DTNA: variants seen among roughly 807,000 people sequenced by gnomAD.
The protein encoded by DTNA is dystrobrevin alpha.
Under a neutral mutation model 100.7 loss-of-function variants are expected in DTNA, and 43 were observed. The observed-to-expected ratio is 0.43, with a 90% CI of 0.33 to 0.55. The LOEUF (loss-of-function observed/expected upper bound fraction) is 0.55. DTNA is among the 20% of genes least tolerant of loss of function. The probability of loss-of-function intolerance (pLI) is 0.04; values close to 1 mark genes in which losing one functional copy is unlikely to be tolerated. For synonymous variants in DTNA, 349 were observed against 347.9 expected (o/e 1.00, Z -0.04); for missense variants, 798 against 953.9 (o/e 0.84, Z 2.15).
rs575574772 is a variant in DTNA at position 34,587,560 on chromosome 18, A to G, written c.-2+94046A>G. On this transcript the variant is annotated intron_variant, in intron 1 of 19. Transcript: ENST00000283365. The stretch of plus-strand genomic sequence containing the variant: ...TATAAAGTATATATTTACACATTTT[A>G]TGTGTTCTGAACTTAAATGCATATC... 8.6e-4 allele frequency among the ~76,000 whole-genome samples: 131 copies of G among 152,120 alleles called. 1 individual carries two copies. The highest frequency in any genetic ancestry group is 2.8e-3 in the Admixed American group (42 of 15,268).
chr18:34,763,879 A>T (rs921544271), intron 2 of DTNA, among the ~76,000 whole-genome samples: 4 of 152,164 alleles, frequency 2.6e-5, no homozygotes, highest in South Asian at 2.1e-4. Context: ...AACATCTTTT[A>T]CCCTAAAAAA....
chr18:34,516,646 G>A (rs994199078), intron 1 of DTNA, among the ~76,000 whole-genome samples: 1 of 151,998 alleles, frequency 6.6e-6, no homozygotes, highest in African/African-American at 2.4e-5. Flanking sequence ...TCCTTGCTGA[G>A]AAAAAGAATT....
intron 15 of DTNA, among the ~76,000 whole-genome samples, chr18:34,857,040 G>A (rs532506596): frequency 6.6e-6 from 1 of 152,330 alleles, no homozygotes; most frequent in African/African-American, 2.4e-5. Flanking sequence ...GGAGGGCACA[G>A]CAGGGCCCAG....
At chr18:34,818,522 C>T in intron 8 of DTNA, 192 bp downstream of exon 8, 1 of 1,468,362 alleles carries the variant, frequency 6.8e-7, no homozygotes, top group Non-Finnish European at 9.0e-7. Context: ...CCCAGTGTAG[C>T]TTCCTGAGAT....
intron 15 of DTNA, among the ~76,000 whole-genome samples, chr18:34,854,453 T>C (rs779623203): frequency 2.6e-5 from 4 of 152,174 alleles, no homozygotes; most frequent in Non-Finnish European, 4.4e-5. Flanking sequence ...CAGATGTCAG[T>C]AAGTCAGTGA....
At chr18:34,572,166 A>T (rs1054617646) in intron 1 of DTNA, among the ~76,000 whole-genome samples, 1 of 152,158 alleles carries the variant, frequency 6.6e-6, no homozygotes, top group Admixed American at 6.5e-5. Flanking sequence ...TCTGGGATAA[A>T]CAGATTTAGA....
chr18:34,715,481 T>A (rs1349309224), intron 1 of DTNA, among the ~76,000 whole-genome samples: 1 of 150,088 alleles, frequency 6.7e-6, no homozygotes, highest in Non-Finnish European at 1.5e-5. Context: ...TTTAATTTTT[T>A]AATTATTTAT....
At chr18:34,882,638 G>A (rs1165588122) in intron 21 of DTNA, among the ~76,000 whole-genome samples, 1 of 152,164 alleles carries the variant, frequency 6.6e-6, no homozygotes, top group Middle Eastern at 3.4e-3. Flanking sequence ...AAAGTGCTAG[G>A]ATTACAGGCG....
At chr18:34,629,956 T>C (rs191653537) in intron 1 of DTNA, among the ~76,000 whole-genome samples, 59 of 152,300 alleles carry the variant, frequency 3.9e-4, no homozygotes, top group Admixed American at 1.7e-3. Flanking sequence ...GCTTATTCTA[T>C]CTCATGCTCT....
chr18:34,498,336 G>A (rs1274916350), intron 1 of DTNA, among the ~76,000 whole-genome samples: 1 of 151,778 alleles, frequency 6.6e-6, no homozygotes, highest in Non-Finnish European at 1.5e-5. Flanking sequence ...GGGAGGCTGA[G>A]GCAGGAGAAT....
intron 3 of DTNA, among the ~76,000 whole-genome samples, chr18:34,768,557 C>T (rs1463831793): frequency 1.3e-5 from 2 of 152,164 alleles, no homozygotes; most frequent in Non-Finnish European, 2.9e-5. Flanking sequence ...ATTTCCTTTT[C>T]CTCTTTCTGT....
intron 1 of DTNA, among the ~76,000 whole-genome samples, chr18:34,564,500 T>A (rs1264007135): frequency 6.6e-6 from 1 of 152,234 alleles, no homozygotes; most frequent in Non-Finnish European, 1.5e-5. Context: ...AGTCATAGTC[T>A]TATTTATTGT....
At chr18:34,612,688 T>TG (rs2054469702) in intron 1 of DTNA, among the ~76,000 whole-genome samples, 1 of 152,244 alleles carries the variant, frequency 6.6e-6, no homozygotes, top group Non-Finnish European at 1.5e-5. Flanking sequence ...TTGCAGCACT[T>TG]GCACTCATCA....
At chr18:34,833,417 T>C (rs2096063681) in intron 11 of DTNA, among the ~76,000 whole-genome samples, 1 of 152,142 alleles carries the variant, frequency 6.6e-6, no homozygotes, top group African/African-American at 2.4e-5. Flanking sequence ...TGTGTGTGTG[T>C]GTGTGTGTGT....
intron 1 of DTNA, among the ~76,000 whole-genome samples, chr18:34,721,515 C>A (rs543028346): frequency 2.8e-4 from 42 of 151,966 alleles, no homozygotes; most frequent in Admixed American, 2.6e-3. Context: ...TGAAAAAAAA[C>A]AAACAAACAA....
intron 13 of DTNA, 74 bp from the exon 14 acceptor site, chr18:34,848,222 C>A (rs2096414518): frequency 2.1e-6 from 3 of 1,444,848 alleles, no homozygotes; most frequent in Admixed American, 3.5e-5. Context: ...ATAGTAAAAA[C>A]TCCTTGTGGT....
At chr18:34,701,752 T>C (rs2081401041) in intron 1 of DTNA, among the ~76,000 whole-genome samples, 1 of 152,200 alleles carries the variant, frequency 6.6e-6, no homozygotes, top group Admixed American at 6.5e-5. Context: ...GGAGGTTGTT[T>C]AAATACTTTA....
Position 34,825,161 on chromosome 18 carries a change from G to A in DTNA, c.1002-2432G>A, listed in dbSNP as rs1650136479. On this transcript the variant is annotated intron_variant, in intron 9 of 22. Coordinates refer to ENST00000444659, the MANE Select transcript of DTNA (RefSeq NM_001386795.1). ...TTAGTCCTTAAATAGAAATGAGCAG[G>A]TGGTGACATTTTGGTATTTTGACAT... The A allele has an allele frequency of 3.5e-6, 5 of 1,436,702 alleles. No homozygotes were observed. In the African/African-American group the frequency reaches 5.6e-5, roughly 16 times the overall value. 89.0% of individuals were successfully genotyped at this position (1,436,702 alleles called of 1,614,324 possible).
chr18:34,660,930 A>C (rs1326647366), intron 1 of DTNA, among the ~76,000 whole-genome samples: 1 of 152,126 alleles, frequency 6.6e-6, no homozygotes, highest in East Asian at 1.9e-4. Flanking sequence ...CTGAAGCCTG[A>C]CTACTTTGGG....
Sources: allele counts gnomAD v4.1 joint callset (sites outside exome capture counted in the v4.1 genomes callset), GRCh38; gene constraint gnomAD v4.1.1; transcripts MANE v1.5; gene names NCBI Gene and HGNC (gene_info 2026-07-23, HGNC 2026-07-21).